TMEM184A: variants seen among roughly 807,000 people sequenced by gnomAD.
TMEM184A encodes the protein sexually dimorphic, expressed in male gonads 1.
TMEM184A carries 40 observed loss-of-function variants against 39.5 expected under a neutral mutation model. That is an observed-to-expected ratio of 1.01 (90% CI 0.79 to 1.32). The LOEUF (loss-of-function observed/expected upper bound fraction) is 1.32. Ranked by LOEUF, TMEM184A falls within the 40% of genes most tolerant of loss-of-function variation. The probability of loss-of-function intolerance (pLI) is 0.00; values close to 1 mark genes in which losing one functional copy is unlikely to be tolerated. For missense variants in TMEM184A, 603 were observed against 568.8 expected (o/e 1.06, Z -0.61); for synonymous variants, 280 against 252.3 (o/e 1.11, Z -1.04).
At position 1,547,910 on chromosome 7, in the gene TMEM184A, C is replaced by T. The variant is rs541570078; in HGVS notation, c.844G>A (p.Gly282Arg). The T allele has an allele frequency of 5.3e-5, 84 of 1,585,558 alleles. No individual in the cohort carries two copies. Among genetic ancestry groups the T allele is most frequent in the East Asian group, 1.9e-4 (8 of 43,054 alleles). Residue 282 changes from glycine (G) to arginine (R), a missense_variant, in exon 8 of 9, where the codon GGG (glycine) becomes AGG (arginine). Coordinates refer to ENST00000297477, the MANE Select transcript of TMEM184A (RefSeq NM_001097620.2). ...GLLLAILERC[G>R]VIPEVETSGG... ...CTGGTCTCCACCTCCGGGATGACCC[C>T]GCACCGCTCCAGGATGGCCAGCAGC...
intron 8 of TMEM184A, 70 bp downstream of exon 8, chr7:1,547,672 A>T (rs1417615499): frequency 7.4e-6 from 11 of 1,487,648 alleles, no homozygotes; most frequent in Non-Finnish European, 8.3e-6. Context: ...CGAGAATGGC[A>T]CGGACACAGA....
rs1784341276 is a variant in TMEM184A, at chr7:1,546,291, C to G, written c.*661G>C. ...CCCACAGCCCCACGGTGCTGGCCAG[C>G]CTCACAGGTGCCCGCTGGTTCTGTG... On this transcript the variant is annotated 3_prime_UTR_variant, in exon 9 of 9. Transcript: ENST00000297477. 6.6e-6 allele frequency: 1 copy of G among 152,578 alleles called. No individual in the cohort carries two copies. The highest frequency in any genetic ancestry group is 2.1e-4 in the South Asian group (1 of 4,834). 9.5% of individuals were successfully genotyped at this position (152,578 alleles called of 1,614,324 possible). A position where few individuals can be genotyped will look rare whatever the true frequency, so the allele number is the denominator to read the frequency against.
At chr7:1,550,225 C>G in intron 4 of TMEM184A, 27 bp from the exon 5 acceptor site, 2 of 1,604,832 alleles carry the variant, frequency 1.2e-6, no homozygotes, top group South Asian at 1.1e-5. Context: ...TGAGCCGGTG[C>G]GGGAGAATGC....
chr7:1,555,426 C>T lies in TMEM184A; in HGVS notation c.59G>A (p.Trp20Ter), dbSNP rs1778523689. 6.2e-7 allele frequency: 1 copy of T among 1,611,450 alleles called. No homozygotes were observed. The highest frequency in any genetic ancestry group is 2.2e-5 in the East Asian group (1 of 44,848). Residue 20 changes from tryptophan to a stop codon, truncating the protein, a stop_gained, in exon 2 of 9, where the codon TGG (tryptophan) becomes TAG (stop). Transcript: ENST00000297477. LOFTEE classifies it high-confidence loss of function. This position sits in a 1 kb window ranked among gnomAD's most constrained non-coding sequence, Gnocchi z 5.2. ...AGCCGGTGGGGGGCTGGGCTGCGGC[C>T]AGTTCGCTGACACCAGGGGGACGCC... ...TAGVPLVSANWPQPSPPPAVP... is the reference protein window; with the variant it reads ...TAGVPLVSAN
Position 1,544,362 on chromosome 7 carries a change from C to T in TMEM184A, c.*2590G>A. On this transcript the variant is annotated 3_prime_UTR_variant, in exon 9 of 9. Transcript: ENST00000297477. ...GTTTCTTGTGGATGCTGGGGATTTT[C>T]AGCTGGACCATCTCCCAGAGAAGGA... The T allele has an allele frequency of 6.6e-6, 1 of 152,294 alleles. No individual in the cohort carries two copies. The highest frequency in any genetic ancestry group is 1.9e-4 in the East Asian group (1 of 5,198). 9.4% of individuals were successfully genotyped at this position (152,294 alleles called of 1,614,324 possible).
intron 7 of TMEM184A, 108 bp from the exon 8 acceptor site, chr7:1,548,047 G>T: frequency 7.8e-7 from 1 of 1,279,900 alleles, no homozygotes; most frequent in Non-Finnish European, 1.1e-6. Context: ...GACCCCGTCC[G>T]TGTAGTCTCG....
rs1178851425 is a variant in TMEM184A, at chr7:1,547,743, T to C, written c.1011A>G (p.Pro337=). Reference sequence around the variant, plus strand: ...CCCCAGCTGGAAGGCAGGGTGTACCTGGTGAATTCTCCTTCTTCTCTGCGT... The same window carrying C: ...CCCCAGCTGGAAGGCAGGGTGTACCCGGTGAATTCTCCTTCTTCTCTGCGT... ...QVYAEKKENS[P]APPAPMQSIS... is the part of the protein sequence containing the mutation. The change falls in exon 8 of 9, where the codon CCA becomes CCG. Residue 337 remains proline (P), a splice_region_variant and synonymous_variant. Coordinates refer to ENST00000297477, the MANE Select transcript of TMEM184A (RefSeq NM_001097620.2). The C allele has an allele frequency of 6.2e-7, 1 of 1,611,672 alleles. No individual in the cohort carries two copies. Among genetic ancestry groups the C allele is most frequent in the Non-Finnish European group, 8.5e-7 (1 of 1,179,368 alleles).
At chr7:1,548,718 G>C in intron 6 of TMEM184A, 30 bp from the exon 7 acceptor site, 1 of 1,582,232 alleles carries the variant, frequency 6.3e-7, no homozygotes, top group Non-Finnish European at 8.6e-7. Flanking sequence ...TGGTCAGGGC[G>C]GTCCCATGAC....
intron 2 of TMEM184A, among the ~76,000 whole-genome samples, chr7:1,551,387 T>C (rs1413996047): frequency 2.6e-3 from 162 of 61,840 alleles, no homozygotes; most frequent in African/African-American, 0.01. Context: ...CGGGTCCGCC[T>C]GGTACCCCTG....
At chr7:1,550,478 G>A in intron 3 of TMEM184A, 83 bp from the exon 4 acceptor site, 4 of 1,152,616 alleles carry the variant, frequency 3.5e-6, no homozygotes, top group Non-Finnish European at 4.9e-6. Flanking sequence ...AGGGCAGGAG[G>A]AGGCTCGGGA....
rs1784355701 is a variant in TMEM184A at position 1,546,674 on chromosome 7, G to A, written c.*278C>T. ...ACTCTCCGCCCCACAGTGGCTCCTG[G>A]GGCTGATGGCTGGGTGATCCCAGGG... On this transcript the variant is annotated 3_prime_UTR_variant, in exon 9 of 9. Transcript: ENST00000297477. The A allele has an allele frequency of 2.4e-6, 1 of 412,860 alleles. No homozygotes were observed. Among genetic ancestry groups the A allele is most frequent in the Non-Finnish European group, 4.3e-6 (1 of 232,568 alleles). The allele number at this position is 412,860 out of a possible 1,614,324, so 25.6% of individuals were successfully genotyped here.
Position 1,550,901 on chromosome 7 carries a change from C to T in TMEM184A, c.301G>A (p.Ala101Thr), listed in dbSNP as rs374204193. The T allele has an allele frequency of 3.3e-5, 53 of 1,613,768 alleles. No homozygotes were observed. In the African/African-American group the frequency reaches 3.9e-4, roughly 12 times the overall value. Residue 101 changes from alanine (A) to threonine (T), a missense_variant, in exon 3 of 9, where the codon GCC (alanine) becomes ACC (threonine). Ala to Thr is a moderately conservative substitution (Grantham distance 58). Coordinates refer to ENST00000297477, the MANE Select transcript of TMEM184A (RefSeq NM_001097620.2). ...AGGAGGCTGAGCCAGGAGTCGAAGG[C>T]GTAGATGGGCACGATGAGGAGCAGG... ...IRLLLIVPIYAFDSWLSLLLL... is the reference protein window; with the variant it reads ...IRLLLIVPIYTFDSWLSLLLL...
intron 6 of TMEM184A, 52 bp downstream of exon 6, chr7:1,549,802 G>A (rs1038437103): frequency 1.6e-5 from 24 of 1,499,438 alleles, no homozygotes; most frequent in South Asian, 2.6e-5. Flanking sequence ...CCCGGGCCCC[G>A]GGGGACCCAG....
intron 2 of TMEM184A, among the ~76,000 whole-genome samples, chr7:1,552,767 C>T (rs1784651342): frequency 6.6e-6 from 1 of 152,074 alleles, no homozygotes; most frequent in African/African-American, 2.4e-5. Flanking sequence ...TTTGTCCCTC[C>T]CTAGGGGCCA....
rs1455074608 is a variant in TMEM184A at position 1,548,597 on chromosome 7, T to C, written c.736A>G (p.Arg246Gly). ...GGCTGGAAGGGCCGCAGGAGCTCCCTGGTGGTGAAGTAGAAGAGGAACAGG... is the reference window on the plus strand; with the variant it reads ...GGCTGGAAGGGCCGCAGGAGCTCCCCGGTGGTGAAGTAGAAGAGGAACAGG... ...YALFLFYFTT[R>G]ELLRPFQPVL... The change falls in exon 7 of 9, where the codon AGG becomes GGG. Residue 246 changes from arginine (R) to glycine (G), a missense_variant. Transcript: ENST00000297477. 5 of 1,613,652 alleles carry C rather than the reference T, an allele frequency of 3.1e-6. No individual in the cohort carries two copies. The African/African-American group carries it at 5.3e-5, about 17-fold the overall frequency.
intron 2 of TMEM184A, among the ~76,000 whole-genome samples, chr7:1,553,628 A>G (rs912096996): frequency 2.0e-5 from 3 of 151,970 alleles, no homozygotes; most frequent in Non-Finnish European, 4.4e-5. Context: ...GGTGCAGCTC[A>G]GGGAGTTGGG....
In TMEM184A at chr7:1,547,969, C is replaced by A. The variant is rs768923888; in HGVS notation, c.815-30G>T. ...GGACGCCACGGCCGCTCAGCCCCAGCCCCAGACGGGGTCTGCAGGGGAGGA... is the reference window on the plus strand; with the variant it reads ...GGACGCCACGGCCGCTCAGCCCCAGACCCAGACGGGGTCTGCAGGGGAGGA... On this transcript the variant is annotated intron_variant, in intron 7 of 8. Transcript: ENST00000297477. 1.7e-5 allele frequency: 26 copies of A among 1,544,242 alleles called. No homozygotes were observed. In the Admixed American group the frequency reaches 3.5e-4, roughly 21 times the overall value.
At chr7:1,550,420 G>A (rs770366589) in intron 3 of TMEM184A, 25 bp from the exon 4 acceptor site, 33 of 1,584,370 alleles carry the variant, frequency 2.1e-5, no homozygotes, top group Admixed American at 3.5e-5. Flanking sequence ...GAGGGGGACC[G>A]GCTGTGAGCC....
rs889825251 is a variant in TMEM184A at position 1,542,330 on chromosome 7, G to C, written c.*4622C>G. Reference sequence around the variant, plus strand: ...ACTGTAAATCTATCAGAGCAGAGCCGGGGGCACGGGCACAGGTGGGAGTTG... The same window carrying C: ...ACTGTAAATCTATCAGAGCAGAGCCCGGGGCACGGGCACAGGTGGGAGTTG... On this transcript the variant is annotated 3_prime_UTR_variant, in exon 9 of 9. Transcript: ENST00000297477. 1 of 152,728 alleles carries C rather than the reference G, an allele frequency of 6.5e-6. No individual in the cohort carries two copies. The highest frequency in any genetic ancestry group is 1.5e-5 in the Non-Finnish European group (1 of 68,038). 9.5% of individuals were successfully genotyped at this position (152,728 alleles called of 1,614,324 possible).
Sources: gnomAD v4.1 joint callset for allele counts (sites outside exome capture counted in the v4.1 genomes callset) on GRCh38, gnomAD v4.1.1 for gene constraint, Gnocchi (gnomAD v3.1) non-coding constraint, MANE v1.5 for transcripts, NCBI Gene and HGNC (gene_info 2026-07-23, HGNC 2026-07-21) for gene names.